The following SMYD3 variants were observed in gnomAD, a reference collection of about 807,000 sequenced individuals.
The protein encoded by SMYD3 is SET and MYND domain containing 3.
Under a neutral mutation model 57.7 loss-of-function variants are expected in SMYD3, and 36 were observed. The observed-to-expected ratio is 0.62, with a 90% CI of 0.48 to 0.82. The LOEUF (loss-of-function observed/expected upper bound fraction) is 0.82, where lower values mean the gene tolerates loss of function less well. Ranked by LOEUF, SMYD3 falls within the 40% of genes least tolerant of loss-of-function variation. The pLI is 0.00. For missense variants in SMYD3, 515 were observed against 538.8 expected (o/e 0.96, Z 0.44); for synonymous variants, 211 against 195.0 (o/e 1.08, Z -0.68).
intron 5 of SMYD3, chr1:246,326,996 A>AGATAGCAGGGCCTTCAAAGAGAGACTGTG (rs1476496217): frequency 1.7e-6 from 1 of 587,312 alleles, no homozygotes; most frequent in Non-Finnish European, 2.9e-6. Context: ...AATAACAAGA[A>AGATAGCAGGGCCTTCAAAGAGAGACTGTG]TATTAATCAA....
intron 5 of SMYD3, among the ~76,000 whole-genome samples, chr1:246,258,595 C>T (rs891538449): frequency 2.8e-4 from 43 of 152,294 alleles, no homozygotes; most frequent in African/African-American, 9.9e-4. Context: ...TGCTGTTGGC[C>T]TGATAGGGCT....
intron 8 of SMYD3, among the ~76,000 whole-genome samples, chr1:245,908,347 T>C (rs2054726314): frequency 6.6e-6 from 1 of 152,140 alleles, no homozygotes; most frequent in South Asian, 2.1e-4. Context: ...CACCCAGATA[T>C]ACAAGACAAA....
intron 8 of SMYD3, among the ~76,000 whole-genome samples, chr1:245,879,533 C>T (rs904456849): frequency 3.3e-5 from 5 of 152,274 alleles, no homozygotes; most frequent in South Asian, 4.2e-4. Flanking sequence ...CTGCTTCAAG[C>T]GTGTGAGAAA....
At chr1:246,233,018 GTGA>G (rs1289514757) in intron 5 of SMYD3, among the ~76,000 whole-genome samples, 3 of 134,530 alleles carry the variant, frequency 2.2e-5, no homozygotes, top group Admixed American at 7.7e-5. Flanking sequence ...AATTCACACT[GTGA>G]TGAACATATA....
At chr1:245,752,204 G>A (rs771413423) in intron 11 of SMYD3, among the ~76,000 whole-genome samples, 2 of 152,210 alleles carry the variant, frequency 1.3e-5, no homozygotes, top group African/African-American at 2.4e-5. Context: ...TTGTGATCTG[G>A]CAAAGGAAGA....
intron 10 of SMYD3, among the ~76,000 whole-genome samples, chr1:245,848,523 C>T (rs187260851): frequency 6.6e-6 from 1 of 152,260 alleles, no homozygotes; most frequent in Admixed American, 6.5e-5. Flanking sequence ...ATCCTCCTGC[C>T]TCAGCCTCTC....
chr1:246,108,450 C>G (rs1360942055), intron 5 of SMYD3, among the ~76,000 whole-genome samples: 1 of 152,206 alleles, frequency 6.6e-6, no homozygotes, highest in Non-Finnish European at 1.5e-5. Flanking sequence ...TCCATCCAGT[C>G]TCTCAAGCTC....
intron 5 of SMYD3, among the ~76,000 whole-genome samples, chr1:246,171,943 C>A (rs945410800): frequency 6.6e-6 from 1 of 152,150 alleles, no homozygotes; most frequent in African/African-American, 2.4e-5. Flanking sequence ...CCCAGGAGTT[C>A]GAGGCTACAG....
chr1:246,165,138 C>T (rs1003463895), intron 5 of SMYD3, among the ~76,000 whole-genome samples: 2 of 152,136 alleles, frequency 1.3e-5, no homozygotes, highest in Admixed American at 6.5e-5. Context: ...TTAGAGTATC[C>T]GGAGGATTGA....
At chr1:246,298,503 C>T (rs1028974024) in intron 5 of SMYD3, among the ~76,000 whole-genome samples, 5 of 152,062 alleles carry the variant, frequency 3.3e-5, no homozygotes, top group Non-Finnish European at 7.4e-5. Context: ...ATTATAGGAG[C>T]TGCCACATTT....
chr1:246,023,520 T>G (rs1041113294), intron 5 of SMYD3, among the ~76,000 whole-genome samples: 5 of 152,066 alleles, frequency 3.3e-5, no homozygotes, highest in Non-Finnish European at 7.4e-5. Context: ...CCAAAATCAT[T>G]ACTATTTTAG....
intron 10 of SMYD3, among the ~76,000 whole-genome samples, chr1:245,771,667 T>C (rs1433158042): frequency 6.6e-6 from 1 of 152,188 alleles, no homozygotes; most frequent in Non-Finnish European, 1.5e-5. Flanking sequence ...CTCAGTGTCA[T>C]ATGCCAGGAG....
At chr1:246,110,548 A>G (rs2061215805) in intron 5 of SMYD3, among the ~76,000 whole-genome samples, 3 of 151,950 alleles carry the variant, frequency 2.0e-5, no homozygotes, top group African/African-American at 7.3e-5. Flanking sequence ...CAACAGCTTA[A>G]CTCTTTCCCT....
At chr1:246,434,045 G>C (rs2067334730) in intron 1 of SMYD3, among the ~76,000 whole-genome samples, 1 of 152,148 alleles carries the variant, frequency 6.6e-6, no homozygotes, top group Non-Finnish European at 1.5e-5. Context: ...TCAATAAATG[G>C]TGCTGGGATA....
chr1:246,321,109 T>C (rs2065240428), intron 5 of SMYD3, among the ~76,000 whole-genome samples: 1 of 152,218 alleles, frequency 6.6e-6, no homozygotes, highest in Non-Finnish European at 1.5e-5. Flanking sequence ...CATTGCCTGT[T>C]TGCAAAATTT....
intron 1 of SMYD3, among the ~76,000 whole-genome samples, chr1:246,472,184 A>G (rs1243630613): frequency 6.6e-6 from 1 of 151,930 alleles, no homozygotes; most frequent in Admixed American, 6.6e-5. Context: ...CTACAAATCC[A>G]CCCGCCTAGC....
intron 5 of SMYD3, among the ~76,000 whole-genome samples, chr1:246,315,807 C>T (rs1572370632): frequency 5.3e-5 from 8 of 152,198 alleles, no homozygotes; most frequent in Admixed American, 3.3e-4. Flanking sequence ...GACTCTTCCT[C>T]TTTGATTAAG....
chr1:245,803,086 C>A (rs1311190518), intron 10 of SMYD3, among the ~76,000 whole-genome samples: 2 of 152,176 alleles, frequency 1.3e-5, no homozygotes, highest in East Asian at 3.8e-4. Context: ...TCTAAAAATA[C>A]TTCTTCTCTT....
intron 10 of SMYD3, among the ~76,000 whole-genome samples, chr1:245,804,633 A>G (rs1404377792): frequency 6.6e-6 from 1 of 152,230 alleles, no homozygotes; most frequent in African/African-American, 2.4e-5. Flanking sequence ...GAACTGATTA[A>G]GCCATGAGGG....
Sources: gnomAD v4.1 joint callset for allele counts (sites outside exome capture counted in the v4.1 genomes callset) on GRCh38, gnomAD v4.1.1 for gene constraint, MANE v1.5 for transcripts, NCBI Gene and HGNC (gene_info 2026-07-23, HGNC 2026-07-21) for gene names.